Variants in SLC39A11 observed in about 807,000 individuals in gnomAD.
The protein encoded by SLC39A11 is solute carrier family 39 member 11, also known as zinc transporter ZIP11.
In SLC39A11, 33 loss-of-function variants were observed where a neutral mutation model predicts 36.1. That is an observed-to-expected ratio of 0.91 (90% CI 0.69 to 1.22). The LOEUF is 1.22. SLC39A11 is among the 50% of genes most tolerant of loss of function. The pLI is 0.00. For missense variants in SLC39A11, 432 were observed against 430.3 expected (o/e 1.00, Z -0.03); for synonymous variants, 166 against 170.3 (o/e 0.97, Z 0.20).
At chr17:72,813,227 T>C (rs1023072710) in intron 6 of SLC39A11, among the ~76,000 whole-genome samples, 2 of 152,238 alleles carry the variant, frequency 1.3e-5, no homozygotes, top group Non-Finnish European at 2.9e-5. Flanking sequence ...TGGCCAGAGA[T>C]GACATCTGTT....
intron 4 of SLC39A11, among the ~76,000 whole-genome samples, chr17:72,962,974 G>T (rs545936521): frequency 1.3e-5 from 2 of 151,960 alleles, no homozygotes; most frequent in Admixed American, 6.6e-5. Flanking sequence ...AAGTCTCTCT[G>T]ACCTCAAGGA....
intron 7 of SLC39A11, among the ~76,000 whole-genome samples, chr17:72,723,429 G>C (rs986461077): frequency 6.6e-6 from 1 of 151,962 alleles, no homozygotes; most frequent in Non-Finnish European, 1.5e-5. Flanking sequence ...TTCAGAGTAA[G>C]TAGTAGCAGG....
At chr17:73,079,659 GAGAA>G (rs1274927273) in intron 3 of SLC39A11, among the ~76,000 whole-genome samples, 1 of 152,078 alleles carries the variant, frequency 6.6e-6, no homozygotes. Context: ...AATCAGACAA[GAGAA>G]AGAAAGAAAG....
At chr17:73,002,385 G>A (rs2089872447) in intron 4 of SLC39A11, among the ~76,000 whole-genome samples, 1 of 152,124 alleles carries the variant, frequency 6.6e-6, no homozygotes, top group Admixed American at 6.6e-5. Context: ...TCAGTCGGTG[G>A]GATGCCAGAG....
At chr17:72,653,011 CT>C (rs538888533) in intron 7 of SLC39A11, among the ~76,000 whole-genome samples, 65 of 152,262 alleles carry the variant, frequency 4.3e-4, no homozygotes, top group African/African-American at 1.5e-3. Context: ...AGGCTGGACG[CT>C]TCCCTGGGCA....
intron 5 of SLC39A11, among the ~76,000 whole-genome samples, chr17:72,879,859 G>A (rs180820746): frequency 2.5e-4 from 38 of 152,224 alleles, no homozygotes; most frequent in African/African-American, 8.7e-4. Flanking sequence ...GAAGACCCCC[G>A]CCAAGGAACC....
At chr17:72,953,870 T>C (rs149936509) in intron 4 of SLC39A11, among the ~76,000 whole-genome samples, 128 of 152,258 alleles carry the variant, frequency 8.4e-4, no homozygotes, top group African/African-American at 2.8e-3. Context: ...CCTGTGATGA[T>C]TGTCAGCGTC....
chr17:72,733,794 T>C (rs1040345232), intron 7 of SLC39A11, among the ~76,000 whole-genome samples: 4 of 152,150 alleles, frequency 2.6e-5, no homozygotes, highest in Non-Finnish European at 4.4e-5. Flanking sequence ...CAAAGTCTCA[T>C]CCTGGATTGC....
intron 7 of SLC39A11, among the ~76,000 whole-genome samples, chr17:72,705,546 G>T (rs1432523164): frequency 6.6e-6 from 1 of 152,146 alleles, no homozygotes; most frequent in Non-Finnish European, 1.5e-5. Context: ...AGGGTGAATG[G>T]GTTGGCCCAT....
intron 1 of SLC39A11, among the ~76,000 whole-genome samples, chr17:73,090,764 T>C (rs1012308470): frequency 2.0e-5 from 3 of 152,132 alleles, no homozygotes; most frequent in African/African-American, 7.2e-5. Context: ...TGGGTGTTCC[T>C]GGTGGTTAGT....
At chr17:73,020,399 A>G (rs1187516852) in intron 4 of SLC39A11, among the ~76,000 whole-genome samples, 1 of 152,222 alleles carries the variant, frequency 6.6e-6, no homozygotes, top group East Asian at 1.9e-4. Flanking sequence ...AGACAGAAAG[A>G]GAGCCCTCAC....
Position 72,861,688 on chromosome 17 carries a change from T to TATATA in SLC39A11, c.431-11885_431-11884insTATAT, listed in dbSNP as rs1169877556. 7.7e-4 allele frequency among the ~76,000 whole-genome samples: 68 copies of TATATA among 88,782 alleles called. 3 individuals carry two copies. Among genetic ancestry groups the TATATA allele is most frequent in the African/African-American group, 2.9e-3 (65 of 22,594 alleles). 58.2% of individuals were successfully genotyped at this position (88,782 alleles called of 152,430 possible). A position where few individuals can be genotyped will look rare whatever the true frequency, so the allele number is the denominator to read the frequency against. The stretch of plus-strand genomic sequence containing the variant: ...ATATATATATATATATATATATATA[T>TATATA]AAAATATATATATTGGATATATATA... On this transcript the variant is annotated intron_variant, in intron 5 of 9. Transcript: ENST00000255559.
At chr17:72,943,817 A>C (rs895675981) in intron 5 of SLC39A11, among the ~76,000 whole-genome samples, 12 of 152,222 alleles carry the variant, frequency 7.9e-5, no homozygotes, top group African/African-American at 2.9e-4. Context: ...GCATCAGACC[A>C]ATCTGGTTCA....
chr17:72,913,103 A>G (rs1373291756), intron 5 of SLC39A11, among the ~76,000 whole-genome samples: 1 of 152,190 alleles, frequency 6.6e-6, no homozygotes, highest in Non-Finnish European at 1.5e-5. Context: ...CCAGAATATA[A>G]TATGCCATAT....
intron 5 of SLC39A11, among the ~76,000 whole-genome samples, chr17:72,923,598 CCT>C (rs2083834867): frequency 2.0e-5 from 3 of 152,038 alleles, no homozygotes; most frequent in Non-Finnish European, 2.9e-5. Context: ...TAAAACTGCC[CCT>C]GTGATCACTT....
intron 4 of SLC39A11, among the ~76,000 whole-genome samples, chr17:73,018,420 C>A (rs1598875444): frequency 6.6e-6 from 1 of 152,000 alleles, no homozygotes; most frequent in East Asian, 1.9e-4. Flanking sequence ...TGATGGCAGG[C>A]TCCTGTAATC....
chr17:72,667,948 A>T (rs1180429237), intron 7 of SLC39A11, among the ~76,000 whole-genome samples: 1 of 151,988 alleles, frequency 6.6e-6, no homozygotes, highest in Non-Finnish European at 1.5e-5. Flanking sequence ...AGGTCTGCTG[A>T]CTCCAGAGCT....
chr17:72,819,586 G>A (rs2077697941), intron 6 of SLC39A11, among the ~76,000 whole-genome samples: 1 of 151,232 alleles, frequency 6.6e-6, no homozygotes, highest in African/African-American at 2.4e-5. Flanking sequence ...AAGAGCGAGT[G>A]AAGGTGAGCC....
intron 5 of SLC39A11, among the ~76,000 whole-genome samples, chr17:72,871,127 T>C (rs957642501): frequency 7.7e-4 from 114 of 147,888 alleles, no homozygotes; most frequent in African/African-American, 2.8e-3. Flanking sequence ...AGTGGTGCAA[T>C]CCAGGCTCAC....
Sources: gnomAD v4.1 joint callset for allele counts (sites outside exome capture counted in the v4.1 genomes callset) on GRCh38, gnomAD v4.1.1 for gene constraint, MANE v1.5 for transcripts, NCBI Gene and HGNC (gene_info 2026-07-23, HGNC 2026-07-21) for gene names.